Variants in TBC1D5 observed in about 807,000 individuals in gnomAD.
TBC1D5 encodes the protein TBC1 domain family, member 5.
TBC1D5 carries 75 observed loss-of-function variants against 100.3 expected under a neutral mutation model. The ratio of observed to expected loss-of-function variants is 0.75; its 90% confidence interval spans 0.62 to 0.91. TBC1D5 has a LOEUF of 0.91. Among genes scored for constraint, TBC1D5 ranks in the 40% least tolerant of loss-of-function variants. The probability of loss-of-function intolerance (pLI) is 0.00; values close to 1 mark genes in which losing one functional copy is unlikely to be tolerated. For missense variants in TBC1D5, 910 were observed against 942.4 expected, an observed-to-expected ratio of 0.97 and a Z score of 0.45; for synonymous variants, 323 against 325.6, an observed-to-expected ratio of 0.99 and a Z score of 0.09.
intron 2 of TBC1D5, among the ~76,000 whole-genome samples, chr3:17,608,717 A>C (rs2061492176): frequency 6.6e-6 from 1 of 152,034 alleles, no homozygotes; most frequent in African/African-American, 2.4e-5. Context: ...CTACTCCTAT[A>C]CCAAATTGCT....
chr3:17,708,597 A>G (rs181251621), intron 1 of TBC1D5, among the ~76,000 whole-genome samples: 9 of 152,254 alleles, frequency 5.9e-5, no homozygotes, highest in Admixed American at 5.9e-4. Context: ...AGCCAACATT[A>G]CTCCTGAGGT....
At position 17,648,718 on chromosome 3, in the gene TBC1D5, G is replaced by A. The variant is rs185767013; in HGVS notation, c.-100-24805C>T. ...GAAGACATACATGCGGCCAACAAGCGTATGAAAAAAGCTCAGTATCACTGA... is the reference window on the plus strand; with the variant it reads ...GAAGACATACATGCGGCCAACAAGCATATGAAAAAAGCTCAGTATCACTGA... On this transcript the variant is annotated intron_variant, in intron 1 of 21. Coordinates refer to ENST00000253692, the Ensembl canonical transcript of TBC1D5. 3.9e-5 allele frequency among the ~76,000 whole-genome samples: 6 copies of A among 152,138 alleles called. No individual in the cohort carries two copies. The East Asian group carries it at 5.8e-4, about 15-fold the overall frequency.
At chr3:17,549,765 T>C (rs2153446571) in intron 2 of TBC1D5, among the ~76,000 whole-genome samples, 1 of 152,124 alleles carries the variant, frequency 6.6e-6, no homozygotes, top group Admixed American at 6.5e-5. Flanking sequence ...ACCTCGTCTC[T>C]AGTAAAAATA....
At chr3:17,441,772 A>C (rs1176705396) in intron 3 of TBC1D5, among the ~76,000 whole-genome samples, 3 of 152,344 alleles carry the variant, frequency 2.0e-5, no homozygotes, top group African/African-American at 7.2e-5. Context: ...CATGCATAGT[A>C]AACAATTATT....
At chr3:17,293,963 G>A (rs1356683270) in intron 14 of TBC1D5, among the ~76,000 whole-genome samples, 5 of 152,184 alleles carry the variant, frequency 3.3e-5, no homozygotes, top group Admixed American at 3.3e-4. Context: ...TAAGTCACTT[G>A]TACAAGTTAC....
chr3:17,377,036 C>T (rs2092737874), intron 9 of TBC1D5, among the ~76,000 whole-genome samples: 1 of 152,028 alleles, frequency 6.6e-6, no homozygotes, highest in African/African-American at 2.4e-5. Context: ...CCAATGTTTT[C>T]ATTATATAAT....
chr3:17,434,663 C>T (rs1486784369), intron 3 of TBC1D5, among the ~76,000 whole-genome samples: 1 of 152,146 alleles, frequency 6.6e-6, no homozygotes, highest in Non-Finnish European at 1.5e-5. Context: ...AACCACTTTT[C>T]CCTCCTAGGC....
At chr3:17,664,916 T>C (rs1305112393) in intron 1 of TBC1D5, 1 of 151,874 alleles carries the variant, frequency 6.6e-6, no homozygotes, top group African/African-American at 2.4e-5. Flanking sequence ...AGAAGAATGT[T>C]TGCCTCCACA....
intron 4 of TBC1D5, among the ~76,000 whole-genome samples, chr3:17,421,588 AAG>A (rs1231629607): frequency 1.3e-5 from 2 of 152,226 alleles, no homozygotes; most frequent in Non-Finnish European, 2.9e-5. Context: ...AATTTTAGAA[AAG>A]AGAGAGGGAA....
chr3:17,205,448 C>G (rs1347521493), intron 18 of TBC1D5, among the ~76,000 whole-genome samples: 1 of 152,204 alleles, frequency 6.6e-6, no homozygotes, highest in Non-Finnish European at 1.5e-5. Flanking sequence ...CTTTCAACCA[C>G]CAATTTAACT....
intron 1 of TBC1D5, among the ~76,000 whole-genome samples, chr3:17,686,154 T>C (rs1436691590): frequency 6.6e-6 from 1 of 152,096 alleles, no homozygotes; most frequent in Non-Finnish European, 1.5e-5. Context: ...CTATCTTCAA[T>C]CTGGGAAGCT....
At chr3:17,554,460 A>G (rs935309238) in intron 2 of TBC1D5, among the ~76,000 whole-genome samples, 1 of 152,160 alleles carries the variant, frequency 6.6e-6, no homozygotes, top group Non-Finnish European at 1.5e-5. Context: ...AAAAGAAAAC[A>G]CTACTGTAGG....
intron 12 of TBC1D5, among the ~76,000 whole-genome samples, chr3:17,374,104 A>C (rs1369766306): frequency 6.6e-6 from 1 of 152,162 alleles, no homozygotes; most frequent in Non-Finnish European, 1.5e-5. Flanking sequence ...ATAGCAACGC[A>C]CTGGTAAAAG....
At chr3:17,695,726 C>A (rs1577548532) in intron 1 of TBC1D5, among the ~76,000 whole-genome samples, 1 of 152,204 alleles carries the variant, frequency 6.6e-6, no homozygotes, top group East Asian at 1.9e-4. Flanking sequence ...AGGACTTGAA[C>A]TCAGCTCTGC....
At chr3:17,406,386 C>A in intron 5 of TBC1D5, 32 bp downstream of exon 5, 1 of 1,589,356 alleles carries the variant, frequency 6.3e-7, no homozygotes, top group Admixed American at 1.8e-5. Context: ...TATATTGCAA[C>A]CAGAAACTGT....
At chr3:17,477,981 T>C (rs754115595) in intron 3 of TBC1D5, among the ~76,000 whole-genome samples, 1 of 152,146 alleles carries the variant, frequency 6.6e-6, no homozygotes, top group Non-Finnish European at 1.5e-5. Flanking sequence ...TAGAAAGATA[T>C]TTTAGAGGTT....
At position 17,521,465 on chromosome 3, in the gene TBC1D5, T is replaced by C. The variant is rs115534035; in HGVS notation, c.-35-12860A>G. Among the ~76,000 whole-genome samples the C allele has an allele frequency of 1.3e-3, 192 of 152,298 alleles. 1 individual carries two copies. The highest frequency in any genetic ancestry group is 4.4e-3 in the African/African-American group (184 of 41,552). On this transcript the variant is annotated intron_variant, in intron 2 of 21. Coordinates refer to ENST00000253692, the Ensembl canonical transcript of TBC1D5. ...AGTATAGTACATATAACATACAAAATATGTGTTAATCAACTGTTTATGTCA... is the reference window on the plus strand; with the variant it reads ...AGTATAGTACATATAACATACAAAACATGTGTTAATCAACTGTTTATGTCA...
intron 5 of TBC1D5, among the ~76,000 whole-genome samples, chr3:17,405,582 G>C (rs976415572): frequency 7.2e-5 from 11 of 152,010 alleles, no homozygotes; most frequent in African/African-American, 2.7e-4. Context: ...GATAGTAAAA[G>C]TTAACAGGGA....
intron 1 of TBC1D5, among the ~76,000 whole-genome samples, chr3:17,725,185 C>G (rs1560562224): frequency 6.6e-6 from 1 of 152,026 alleles, no homozygotes. Context: ...TGAACTAATT[C>G]TATGGAAAAT....
Sources: gnomAD v4.1 joint callset for allele counts (sites outside exome capture counted in the v4.1 genomes callset) on GRCh38, gnomAD v4.1.1 for gene constraint, MANE v1.5 for transcripts, NCBI Gene and HGNC (gene_info 2026-07-23, HGNC 2026-07-21) for gene names.